Variants in VWA8 observed in about 807,000 individuals in gnomAD.
The protein encoded by VWA8 is von Willebrand factor A domain containing 8, also known as von Willebrand factor A domain-containing protein 8.
A neutral mutation model predicts 241.5 loss-of-function variants in VWA8; 221 were observed. That is an observed-to-expected ratio of 0.91 (90% confidence interval 0.82 to 1.02). The LOEUF (loss-of-function observed/expected upper bound fraction) is 1.02. Among genes scored for constraint, VWA8 ranks in the 50% least tolerant of loss-of-function variants. VWA8 has a pLI of 0.00. For missense variants in VWA8, 2,322 were observed against 2,328.7 expected (o/e 1.00, Z 0.06); for synonymous variants, 852 against 827.1 (o/e 1.03, Z -0.52).
intron 29 of VWA8, among the ~76,000 whole-genome samples, chr13:41,697,895 C>T (rs1361227855): frequency 7.2e-5 from 11 of 152,132 alleles, no homozygotes; most frequent in African/African-American, 1.7e-4. Context: ...TCCTACTTCC[C>T]TCTTATTCAA....
At chr13:41,672,628 TG>T (rs2045033619) in intron 36 of VWA8, among the ~76,000 whole-genome samples, 1 of 152,182 alleles carries the variant, frequency 6.6e-6, no homozygotes. Context: ...CTGCCTTAGT[TG>T]ATACTAAACA....
intron 12 of VWA8, among the ~76,000 whole-genome samples, chr13:41,838,433 T>C (rs1753785529): frequency 6.6e-6 from 1 of 152,162 alleles, no homozygotes; most frequent in African/African-American, 2.4e-5. Context: ...ATAATGCACA[T>C]ATAACTGTCT....
intron 21 of VWA8, among the ~76,000 whole-genome samples, chr13:41,755,521 T>C (rs954279503): frequency 6.6e-6 from 1 of 151,930 alleles, no homozygotes; most frequent in Non-Finnish European, 1.5e-5. Context: ...AGTTTAGTAA[T>C]TTTTTTCATA....
At chr13:41,657,614 C>T (rs1031012560) in intron 37 of VWA8, among the ~76,000 whole-genome samples, 44 of 152,046 alleles carry the variant, frequency 2.9e-4, no homozygotes, top group African/African-American at 9.6e-4. Context: ...CTCAGCCTCC[C>T]GAGTAGCTGG....
chr13:41,767,846 T>C (rs1034771932), intron 20 of VWA8, among the ~76,000 whole-genome samples: 3 of 152,238 alleles, frequency 2.0e-5, no homozygotes, highest in Admixed American at 6.5e-5. Context: ...TGGTCAGCTA[T>C]TAGGTATAAC....
intron 21 of VWA8, among the ~76,000 whole-genome samples, chr13:41,745,274 T>C (rs1037854756): frequency 6.6e-6 from 1 of 152,170 alleles, no homozygotes; most frequent in African/African-American, 2.4e-5. Flanking sequence ...TTTCTCCTAA[T>C]GCTATCCCTC....
chr13:41,725,301 T>C (rs11620206), intron 24 of VWA8, among the ~76,000 whole-genome samples: 24,881 of 152,032 alleles, frequency 0.16, 2,153 homozygotes, highest in Non-Finnish European at 0.2. Flanking sequence ...TGAAGAGTTA[T>C]TGGATTTGGT....
chr13:41,863,455 T>TATATATATATATACA (rs1566485517), intron 12 of VWA8, among the ~76,000 whole-genome samples: 1 of 87,156 alleles, frequency 1.1e-5, no homozygotes, highest in Non-Finnish European at 2.4e-5. Flanking sequence ...ATATATATAT[T>TATATATATATATACA]CACACACACA....
chr13:41,926,416 C>T (rs1007364428), intron 2 of VWA8: 30 of 532,996 alleles, frequency 5.6e-5, no homozygotes, highest in African/African-American at 7.7e-5. Flanking sequence ...AACATCATCC[C>T]GGGGGAGCTG....
chr13:41,960,346 T>TG (rs2138178545), intron 1 of VWA8, among the ~76,000 whole-genome samples: 1 of 152,282 alleles, frequency 6.6e-6, no homozygotes, highest in African/African-American at 2.4e-5. Flanking sequence ...CTGTAAAACT[T>TG]GGAAAGGCTC....
chr13:41,805,231 A>G (rs1252725021), intron 17 of VWA8, among the ~76,000 whole-genome samples: 1 of 152,210 alleles, frequency 6.6e-6, no homozygotes, highest in East Asian at 1.9e-4. Flanking sequence ...TCCATGCCAA[A>G]TGAAACAAAC....
intron 37 of VWA8, among the ~76,000 whole-genome samples, chr13:41,664,202 T>C (rs1024504636): frequency 6.6e-6 from 1 of 152,096 alleles, no homozygotes; most frequent in Non-Finnish European, 1.5e-5. Flanking sequence ...GGATATAAAT[T>C]CTAGCCGGAA....
intron 26 of VWA8, among the ~76,000 whole-genome samples, chr13:41,714,836 G>A (rs760180398): frequency 1.3e-5 from 2 of 151,838 alleles, no homozygotes. Flanking sequence ...ATAAGAATTT[G>A]TATATTGTAT....
chr13:41,741,014 TA>T (rs1337800603), intron 21 of VWA8, among the ~76,000 whole-genome samples: 1 of 152,160 alleles, frequency 6.6e-6, no homozygotes, highest in Non-Finnish European at 1.5e-5. Flanking sequence ...ATCAACCTAT[TA>T]AAACTGTAAT....
Position 41,886,006 on chromosome 13 carries a change from C to CA in VWA8, c.888dup (p.Ala297CysfsTer21), listed in dbSNP as rs773736649. On this transcript the variant is annotated frameshift_variant, in exon 8 of 45. Transcript: ENST00000379310. LOFTEE classifies it high-confidence loss of function. Reference sequence around the variant, plus strand: ...GATTCTTGGGAACACAGAGTTGTGGCAAAGGACAAGAGCTGAGAAACTCTA... The same window carrying CA: ...GATTCTTGGGAACACAGAGTTGTGGCAAAAGGACAAGAGCTGAGAAACTCTA... 1 of 1,602,290 alleles carries CA rather than the reference C, an allele frequency of 6.2e-7. No individual in the cohort carries two copies. Among genetic ancestry groups the CA allele is most frequent in the Non-Finnish European group, 8.5e-7 (1 of 1,176,508 alleles).
rs1869010086 is a variant in VWA8, at chr13:41,783,803, T to C, written c.2269A>G (p.Asn757Asp). 1.2e-6 allele frequency: 2 copies of C among 1,612,038 alleles called. No homozygotes were observed. The highest frequency in any genetic ancestry group is 1.7e-6 in the Non-Finnish European group (2 of 1,178,548). The change falls in exon 19 of 45, where the codon AAC becomes GAC. Residue 757 changes from asparagine to aspartate, a missense_variant. Physicochemically the swap from Asn to Asp is conservative, Grantham distance 23. Coordinates refer to ENST00000379310, the MANE Select transcript of VWA8 (RefSeq NM_015058.2). Reference sequence around the variant, plus strand: ...CAAAGCAATACTCTTACCTGAATGTTGTCATAGAAAAGAACATCAGGCACT... The same window carrying C: ...CAAAGCAATACTCTTACCTGAATGTCGTCATAGAAAAGAACATCAGGCACT... ...MKVPDVLFYDNIQHVIVMEDM... is the reference protein window; with the variant it reads ...MKVPDVLFYDDIQHVIVMEDM...
chr13:41,571,413 G>A (rs1165890808), intron 43 of VWA8, among the ~76,000 whole-genome samples: 4 of 150,346 alleles, frequency 2.7e-5, no homozygotes, highest in Non-Finnish European at 4.4e-5. Context: ...AGGCTGGACT[G>A]TACTGCCGCC....
intron 37 of VWA8, among the ~76,000 whole-genome samples, chr13:41,651,257 A>G (rs1366495895): frequency 1.3e-5 from 2 of 152,174 alleles, no homozygotes; most frequent in African/African-American, 4.8e-5. Flanking sequence ...AGCTTTTCCT[A>G]ATTTTGTGAA....
chr13:41,937,324 G>T (rs572774307), intron 2 of VWA8, among the ~76,000 whole-genome samples: 25 of 152,210 alleles, frequency 1.6e-4, no homozygotes, highest in South Asian at 1.0e-3. Context: ...CCATAATGTA[G>T]AATCAGTGGG....
Sources: gnomAD v4.1 joint callset for allele counts (sites outside exome capture counted in the v4.1 genomes callset) on GRCh38, gnomAD v4.1.1 for gene constraint, MANE v1.5 for transcripts, NCBI Gene and HGNC (gene_info 2026-07-23, HGNC 2026-07-21) for gene names.